Variants in CFAP20DC observed in about 807,000 individuals in gnomAD.
The protein encoded by CFAP20DC is CFAP20 domain containing.
A neutral mutation model predicts 101.7 loss-of-function variants in CFAP20DC; 84 were observed. The observed-to-expected ratio is 0.83, with a 90% CI of 0.69 to 0.99. CFAP20DC has a LOEUF of 0.99. Among genes scored for constraint, CFAP20DC ranks in the 50% least tolerant of loss-of-function variants. The probability of loss-of-function intolerance (pLI) is 0.00; values close to 1 mark genes in which losing one functional copy is unlikely to be tolerated. For synonymous variants in CFAP20DC, 359 were observed against 351.2 expected (o/e 1.02, Z -0.25); for missense variants, 1,007 against 970.3 (o/e 1.04, Z -0.50).
chr3:58,947,448 T>C (rs1211812339), intron 4 of CFAP20DC, among the ~76,000 whole-genome samples: 2 of 152,146 alleles, frequency 1.3e-5, no homozygotes, highest in Non-Finnish European at 2.9e-5. Context: ...ATATATGAAG[T>C]AGCCAAAATA....
At chr3:58,741,560 G>A (rs550135966), downstream of CFAP20DC, among the ~76,000 whole-genome samples, 21 of 151,564 alleles carry the variant, frequency 1.4e-4, no homozygotes, top group East Asian at 2.7e-3. Flanking sequence ...ACAGTGGGGC[G>A]ATCTTGGCTC....
At chr3:58,815,239 G>T (rs1481058618) in intron 14 of CFAP20DC, among the ~76,000 whole-genome samples, 2 of 151,190 alleles carry the variant, frequency 1.3e-5, no homozygotes, top group Non-Finnish European at 2.9e-5. Flanking sequence ...ACAAACCTGA[G>T]AAAAACAAGC....
intron 7 of CFAP20DC, among the ~76,000 whole-genome samples, chr3:58,875,166 T>C (rs2080635750): frequency 2.0e-5 from 3 of 152,240 alleles, no homozygotes; most frequent in Non-Finnish European, 2.9e-5. Context: ...GCTATGGCAC[T>C]GCAGTCAGAT....
chr3:58,785,268 G>A (rs768366553), intron 15 of CFAP20DC, among the ~76,000 whole-genome samples: 1 of 152,004 alleles, frequency 6.6e-6, no homozygotes, highest in African/African-American at 2.4e-5. Context: ...GATAGATACC[G>A]GAGGCTGGGA....
At chr3:58,815,950 G>T (rs1268977498) in intron 14 of CFAP20DC, among the ~76,000 whole-genome samples, 1 of 151,594 alleles carries the variant, frequency 6.6e-6, no homozygotes, top group African/African-American at 2.4e-5. Context: ...AAGTCAGTGT[G>T]GCGACTCCTC....
At chr3:58,970,512 C>A (rs1238923645) in intron 4 of CFAP20DC, 1 of 152,156 alleles carries the variant, frequency 6.6e-6, no homozygotes, top group Non-Finnish European at 1.5e-5. Context: ...CTCAGTGCCT[C>A]CAGAAGGAAC....
Position 58,882,744 on chromosome 3 carries a change from T to C in CFAP20DC, c.715+1801A>G, listed in dbSNP as rs907053194. The stretch of plus-strand genomic sequence containing the variant: ...TCTCTCTGTCTAAATATAGTATATA[T>C]AGTAAGCATACAAATTCCCATTGTG... On this transcript the variant is annotated intron_variant, in intron 7 of 16. Coordinates refer to ENST00000482387, the MANE Select transcript of CFAP20DC (RefSeq NM_001394063.1). The surrounding 1 kb of genome is among the most constrained non-coding windows in gnomAD (Gnocchi z 4.2). Among the ~76,000 whole-genome samples, 2 of 152,196 alleles carry C rather than the reference T, an allele frequency of 1.3e-5. No individual in the cohort carries two copies. Among genetic ancestry groups the C allele is most frequent in the African/African-American group, 4.8e-5 (2 of 41,460 alleles).
intron 14 of CFAP20DC, among the ~76,000 whole-genome samples, chr3:58,810,875 T>C (rs2074561206): frequency 6.6e-6 from 1 of 151,750 alleles, no homozygotes; most frequent in Non-Finnish European, 1.5e-5. Flanking sequence ...ACAAAATCAA[T>C]GTACAAAAAT....
intron 14 of CFAP20DC, among the ~76,000 whole-genome samples, chr3:58,815,990 C>A (rs1162436133): frequency 6.6e-6 from 1 of 151,726 alleles, no homozygotes; most frequent in Non-Finnish European, 1.5e-5. Flanking sequence ...TATCATTTGA[C>A]CCAGCCATCC....
chr3:58,827,957 T>G (rs2076154849), intron 14 of CFAP20DC, among the ~76,000 whole-genome samples: 3 of 152,178 alleles, frequency 2.0e-5, no homozygotes, highest in Admixed American at 2.0e-4. Flanking sequence ...AGAAGGTGTA[T>G]CCTTCACAAC....
chr3:59,037,025 A>G (rs1316054084), intron 4 of CFAP20DC, among the ~76,000 whole-genome samples: 1 of 152,228 alleles, frequency 6.6e-6, no homozygotes, highest in African/African-American at 2.4e-5. Context: ...AAAACAAGAA[A>G]TGGGGAAAGG....
At chr3:58,803,509 A>G (rs1433487686) in intron 15 of CFAP20DC, among the ~76,000 whole-genome samples, 2 of 152,218 alleles carry the variant, frequency 1.3e-5, no homozygotes, top group East Asian at 3.8e-4. Context: ...ATAAATACAG[A>G]TCTTAAGAAG....
At chr3:58,737,779 T>C (rs892775344), downstream of CFAP20DC, among the ~76,000 whole-genome samples, 2 of 152,106 alleles carry the variant, frequency 1.3e-5, no homozygotes, top group Non-Finnish European at 2.9e-5. The surrounding 1 kb of genome is among the most constrained non-coding windows in gnomAD (Gnocchi z 4.1). Context: ...AAAAAGAGTG[T>C]GCATGGAGCA....
chr3:58,969,969 T>TA (rs2091855333), intron 4 of CFAP20DC, among the ~76,000 whole-genome samples: 1 of 152,170 alleles, frequency 6.6e-6, no homozygotes, highest in South Asian at 2.1e-4. Flanking sequence ...TGAATTATAC[T>TA]AAAAATGACA....
chr3:58,966,599 C>T (rs953827607), intron 4 of CFAP20DC, among the ~76,000 whole-genome samples: 2 of 151,314 alleles, frequency 1.3e-5, no homozygotes, highest in African/African-American at 4.9e-5. Flanking sequence ...TCTCAGCTCA[C>T]TATAACCTCA....
At chr3:58,911,927 C>A (rs1489013509) in intron 6 of CFAP20DC, among the ~76,000 whole-genome samples, 2 of 152,092 alleles carry the variant, frequency 1.3e-5, no homozygotes, top group African/African-American at 4.8e-5. Context: ...TCATCCTTAG[C>A]CTGCCTTTGC....
chr3:58,930,883 G>A (rs771878960), intron 5 of CFAP20DC, among the ~76,000 whole-genome samples: 8 of 152,156 alleles, frequency 5.3e-5, no homozygotes, highest in Admixed American at 3.9e-4. Context: ...CTGAGGTACC[G>A]GGTTCATCTC....
chr3:58,998,709 C>G (rs2093215540), intron 4 of CFAP20DC, among the ~76,000 whole-genome samples: 1 of 152,136 alleles, frequency 6.6e-6, no homozygotes, highest in Non-Finnish European at 1.5e-5. Context: ...TCAACAGAAA[C>G]TCTCATCACG....
chr3:58,980,721 C>T (rs934138805), intron 4 of CFAP20DC, among the ~76,000 whole-genome samples: 7 of 152,016 alleles, frequency 4.6e-5, no homozygotes, highest in Admixed American at 3.3e-4. Context: ...TAATAAGAGC[C>T]ATCTATGACA....
Sources: allele counts gnomAD v4.1 joint callset (sites outside exome capture counted in the v4.1 genomes callset), GRCh38; gene constraint gnomAD v4.1.1; non-coding constraint Gnocchi (gnomAD v3.1); transcripts MANE v1.5; gene names NCBI Gene and HGNC (gene_info 2026-07-23, HGNC 2026-07-21).